ANO8: variants seen among roughly 807,000 people sequenced by gnomAD.
ANO8 encodes anoctamin-8.
A neutral mutation model predicts 120.4 loss-of-function variants in ANO8; 67 were observed. The observed-to-expected ratio is 0.56, with a 90% CI of 0.46 to 0.68. The LOEUF (loss-of-function observed/expected upper bound fraction) is 0.68. ANO8 is among the 30% of genes least tolerant of loss of function. ANO8 has a pLI of 0.00. For missense variants in ANO8, 1,526 were observed against 1,737.6 expected, an observed-to-expected ratio of 0.88 and a Z score of 2.16; for synonymous variants, 727 against 759.2, an observed-to-expected ratio of 0.96 and a Z score of 0.70.
intron 17 of ANO8, among the ~76,000 whole-genome samples, chr19:17,324,146 C>T (rs1178586883): frequency 6.6e-6 from 1 of 151,624 alleles, no homozygotes; most frequent in African/African-American, 2.4e-5. Flanking sequence ...GCTGCAGCTG[C>T]CACCTGTTGG....
intron 12 of ANO8, chr19:17,329,273 C>A (rs2074299331): frequency 5.0e-6 from 2 of 401,418 alleles, no homozygotes; most frequent in East Asian, 8.4e-5. Flanking sequence ...CGCCCCCAGC[C>A]GCCTGCACCT....
rs3745191 is a variant in ANO8, at chr19:17,328,225, C to T, written c.2163G>A (p.Pro721=). The T allele has an allele frequency of 0.077, 122,893 of 1,599,678 alleles. 5,416 individuals are homozygous for T. Among genetic ancestry groups the T allele is most frequent in the African/African-American group, 0.15 (11,069 of 74,694 alleles). Residue 721 remains proline, a synonymous_variant, in exon 13 of 18, where the codon CCG becomes CCA. Transcript: ENST00000159087. ...TGAGCTGGGGCGAGTGTTCCTCCTC[C>T]GGCGGGTCAATCCAAGACGACCGGT... is the stretch of plus-strand genomic sequence containing the variant. ...RQNRSSWIDP[P]EEEHSPQLTQ...
chr19:17,326,550 A>C (rs1482588251), intron 16 of ANO8, among the ~76,000 whole-genome samples: 1 of 152,208 alleles, frequency 6.6e-6, no homozygotes, highest in East Asian at 1.9e-4. Flanking sequence ...CTATGGCTGC[A>C]GCAGACTATA....
At position 17,328,264 on chromosome 19, in the gene ANO8, C is replaced by T. The variant is rs1266919093; in HGVS notation, c.2124G>A (p.Arg708=). ...AAGACGACCGGTTCTGCCGTCTCTG[C>T]CTACGGGTCGAATCGCTGTTGGAGC... The part of the protein sequence containing the change: ...EPGSNSDSTR[R]QRRQNRSSWI... Residue 708 remains arginine (R), a synonymous_variant, in exon 13 of 18, where the codon AGG becomes AGA. Coordinates refer to ENST00000159087, the MANE Select transcript of ANO8 (RefSeq NM_020959.3). 1.9e-6 allele frequency: 3 copies of T among 1,611,152 alleles called. No homozygotes were observed. The highest frequency in any genetic ancestry group is 1.7e-6 in the Non-Finnish European group (2 of 1,179,034).
In ANO8 at chr19:17,327,088, C is replaced by T. The variant is rs73016403; in HGVS notation, c.2661+147G>A. ...GCGCTGGGATCATAGGAGTGAGCCACTGCACCCAGCCAGGGAGCACTAATT... is the reference window on the plus strand; with the variant it reads ...GCGCTGGGATCATAGGAGTGAGCCATTGCACCCAGCCAGGGAGCACTAATT... On this transcript the variant is annotated intron_variant, in intron 16 of 17. Coordinates refer to ENST00000159087, the MANE Select transcript of ANO8 (RefSeq NM_020959.3). The T allele has an allele frequency of 1.1e-3, 825 of 763,936 alleles. 1 individual carries two copies. The highest frequency in any genetic ancestry group is 1.4e-3 in the Non-Finnish European group (694 of 487,556). The allele number at this position is 763,936 out of a possible 1,614,324, so 47.3% of individuals were successfully genotyped here. A position where few individuals can be genotyped will look rare whatever the true frequency, so the allele number is the denominator to read the frequency against.
Position 17,328,615 on chromosome 19 carries a change from CTCCTCCTCCTCGTCGTCCTCG to C in ANO8, c.1752_1772del (p.Asp584_Glu590del), listed in dbSNP as rs1211985583. ...CCTCGTCCTCCTCTTCCTCCTCGTC[CTCCTCCTCCTCGTCGTCCTCG>C]TCCTCCTCCTTGCCCCCTGGAGGCC... is the stretch of plus-strand genomic sequence containing the variant. On this transcript the variant is annotated inframe_deletion, in exon 13 of 18. Transcript: ENST00000159087. 1 of 1,532,214 alleles carries C rather than the reference CTCCTCCTCCTCGTCGTCCTCG, an allele frequency of 6.5e-7. No individual in the cohort carries two copies. The highest frequency in any genetic ancestry group is 2.0e-5 in the Admixed American group (1 of 50,094). 94.9% of individuals were successfully genotyped at this position (1,532,214 alleles called of 1,614,324 possible).
At chr19:17,334,469 C>A (rs1312353070) in intron 1 of ANO8, 96 bp downstream of exon 1, 6 of 1,134,360 alleles carry the variant, frequency 5.3e-6, no homozygotes, top group Admixed American at 2.3e-5. Flanking sequence ...AGACACCACG[C>A]CAGGTTACGT....
At position 17,333,810 on chromosome 19, in the gene ANO8, G is replaced by C. The variant is rs1199520409; in HGVS notation, c.107-10C>G. On this transcript the variant is annotated splice_polypyrimidine_tract_variant and intron_variant, in intron 1 of 17. Coordinates refer to ENST00000159087, the MANE Select transcript of ANO8 (RefSeq NM_020959.3). The surrounding 1 kb of genome is among the most constrained non-coding windows in gnomAD (Gnocchi z 7.2). ...TTTCCGAAAAGCTTATCTAGGGGGC[G>C]GCGTAGCAGGCCCGGGTCAGGCCAC... 1 of 1,571,578 alleles carries C rather than the reference G, an allele frequency of 6.4e-7. No individual in the cohort carries two copies. The highest frequency in any genetic ancestry group is 8.6e-7 in the Non-Finnish European group (1 of 1,159,496).
rs748451040 is a variant in ANO8 at position 17,331,076 on chromosome 19, C to T, written c.831+12G>A. The T allele has an allele frequency of 1.2e-6, 2 of 1,614,136 alleles. No homozygotes were observed. Among genetic ancestry groups the T allele is most frequent in the South Asian group, 2.2e-5 (2 of 91,086 alleles). The stretch of plus-strand genomic sequence containing the variant: ...TGGATCCCCCAGACCTTGCAGGGTC[C>T]CTGCCCAGTACCTGATCAGCCTCTG... On this transcript the variant is annotated intron_variant, in intron 7 of 17. Coordinates refer to ENST00000159087, the MANE Select transcript of ANO8 (RefSeq NM_020959.3).
rs915899636 is a variant in ANO8, at chr19:17,334,724, C to G, written c.-54G>C. ...GGACGGCCCGGGCGACGGGGAGCCG[C>G]GGGCTCATGGGGCCGGTGCAGCCGC... On this transcript the variant is annotated 5_prime_UTR_variant, in exon 1 of 18. Transcript: ENST00000159087. The G allele has an allele frequency of 3.8e-6, 5 of 1,313,552 alleles. No individual in the cohort carries two copies. Among genetic ancestry groups the G allele is most frequent in the Non-Finnish European group, 4.9e-6 (5 of 1,022,812 alleles). 81.4% of individuals were successfully genotyped at this position (1,313,552 alleles called of 1,614,324 possible).
In ANO8 at chr19:17,333,620, C is replaced by G. The variant is rs2074337140; in HGVS notation, c.218-66G>C. ...GGGCCCAAGGCCTCCTACGTATTCCCGTTCTGGGAAGCCGAGCTCAGGAGA... is the reference window on the plus strand; with the variant it reads ...GGGCCCAAGGCCTCCTACGTATTCCGGTTCTGGGAAGCCGAGCTCAGGAGA... On this transcript the variant is annotated intron_variant, in intron 2 of 17. Transcript: ENST00000159087. This position sits in a 1 kb window ranked among gnomAD's most constrained non-coding sequence, Gnocchi z 7.2. 12 of 1,361,222 alleles carry G rather than the reference C, an allele frequency of 8.8e-6. No homozygotes were observed. The South Asian group carries it at 9.1e-5, about 10-fold the overall frequency. 84.3% of individuals were successfully genotyped at this position (1,361,222 alleles called of 1,614,324 possible). A position where few individuals can be genotyped will look rare whatever the true frequency, so the allele number is the denominator to read the frequency against.
rs2074268428 is a variant in ANO8 at position 17,325,447 on chromosome 19, G to A, written c.2662-61C>T. ...GAAAGGGTGTTAGCGGGTGCCAGCT[G>A]AGGCTGGTGCATGCCAGGGCTCTCT... is the stretch of plus-strand genomic sequence containing the variant. On this transcript the variant is annotated intron_variant, in intron 16 of 17. Transcript: ENST00000159087. 6.0e-6 allele frequency: 9 copies of A among 1,512,564 alleles called. No homozygotes were observed. In the South Asian group the frequency reaches 9.1e-5, roughly 15 times the overall value. The allele number at this position is 1,512,564 out of a possible 1,614,324, so 93.7% of individuals were successfully genotyped here. A position where few individuals can be genotyped will look rare whatever the true frequency, so the allele number is the denominator to read the frequency against.
rs1417911097 is a variant in ANO8 at position 17,329,469 on chromosome 19, G to A, written c.1404+288C>T. On this transcript the variant is annotated intron_variant, in intron 12 of 17. Transcript: ENST00000159087. ...GAGAGGAGGAGCAGGCGGAACCGCA[G>A]GGCCGCGAGCGGGACCAGCACCGCC... 8 of 490,204 alleles carry A rather than the reference G, an allele frequency of 1.6e-5. 1 individual carries two copies. The highest frequency in any genetic ancestry group is 2.9e-5 in the Non-Finnish European group (8 of 271,756). The allele number at this position is 490,204 out of a possible 1,614,324, so 30.4% of individuals were successfully genotyped here.
intron 8 of ANO8, 59 bp downstream of exon 8, chr19:17,330,769 G>A: frequency 6.4e-7 from 1 of 1,557,354 alleles, no homozygotes; most frequent in Non-Finnish European, 8.7e-7. Flanking sequence ...CTCCTGCAGT[G>A]CCCCCCACCA....
In ANO8 at chr19:17,327,258, A is replaced by T. The variant is rs2074278640; in HGVS notation, c.2638T>A (p.Tyr880Asn). The T allele has an allele frequency of 6.5e-7, 1 of 1,547,552 alleles. No individual in the cohort carries two copies. Among genetic ancestry groups the T allele is most frequent in the African/African-American group, 1.4e-5 (1 of 72,920 alleles). Residue 880 changes from tyrosine (Y) to asparagine (N), a missense_variant, in exon 16 of 18, where the codon TAC (tyrosine) becomes AAC (asparagine). Transcript: ENST00000159087. ...WVAEEMAKLEYQRREAFKRHE... is the reference protein window; with the variant it reads ...WVAEEMAKLENQRREAFKRHE... ...ACCTTAAAGGCCTCGCGGCGCTGGT[A>T]CTCCAGCTTGGCCATTTCCTCGGCC...
In ANO8 at chr19:17,328,663, GT is replaced by G; in HGVS notation, c.1724del (p.Asp575AlafsTer40). The G allele has an allele frequency of 7.2e-7, 1 of 1,383,224 alleles. No individual in the cohort carries two copies. The highest frequency in any genetic ancestry group is 9.6e-7 in the Non-Finnish European group (1 of 1,043,742). The allele number at this position is 1,383,224 out of a possible 1,614,324, so 85.7% of individuals were successfully genotyped here. A position where few individuals can be genotyped will look rare whatever the true frequency, so the allele number is the denominator to read the frequency against. ...RRAGEGGEEG[D>X]GPPGGKEEDE... is the part of the protein sequence containing the mutation. ...CCTCCTCCTTGCCCCCTGGAGGCCC[GT>G]CCCCCTCCTCCCCGCCTTCCCCCGC... On this transcript the variant is annotated frameshift_variant, in exon 13 of 18. Coordinates refer to ENST00000159087, the MANE Select transcript of ANO8 (RefSeq NM_020959.3). LOFTEE classifies it high-confidence loss of function.
Position 17,328,219 on chromosome 19 carries a change from C to T in ANO8, c.2169G>A (p.Glu723=). The stretch of plus-strand genomic sequence containing the variant: ...CCTGGGTGAGCTGGGGCGAGTGTTC[C>T]TCCTCCGGCGGGTCAATCCAAGACG... The part of the protein sequence containing the change: ...NRSSWIDPPE[E]EHSPQLTQAE... Residue 723 remains glutamate (E), a synonymous_variant, in exon 13 of 18, where the codon GAG becomes GAA. Coordinates refer to ENST00000159087, the MANE Select transcript of ANO8 (RefSeq NM_020959.3). The T allele has an allele frequency of 1.2e-6, 2 of 1,605,384 alleles. No individual in the cohort carries two copies. The highest frequency in any genetic ancestry group is 1.7e-6 in the Non-Finnish European group (2 of 1,173,744).
chr19:17,334,643 C>T lies in ANO8; in HGVS notation c.28G>A (p.Gly10Ser). 6.7e-7 allele frequency: 1 copy of T among 1,487,020 alleles called. No individual in the cohort carries two copies. Among genetic ancestry groups the T allele is most frequent in the Non-Finnish European group, 8.9e-7 (1 of 1,126,970 alleles). The allele number at this position is 1,487,020 out of a possible 1,614,324, so 92.1% of individuals were successfully genotyped here. A position where few individuals can be genotyped will look rare whatever the true frequency, so the allele number is the denominator to read the frequency against. Residue 10 changes from glycine (G) to serine (S), a missense_variant, in exon 1 of 18, where the codon GGC becomes AGC. Physicochemically the swap from Gly to Ser is moderately conservative, Grantham distance 56. Coordinates refer to ENST00000159087, the MANE Select transcript of ANO8 (RefSeq NM_020959.3). MAEAASGAGGTSLEGERGKR... is the reference protein window; with the variant it reads MAEAASGAGSTSLEGERGKR... ...CCACGCTCGCCCTCCAGGGACGTGC[C>T]CCCGGCGCCGGAGGCGGCCTCGGCC...
At chr19:17,334,535 C>T in intron 1 of ANO8, 30 bp downstream of exon 1, 1 of 1,516,214 alleles carries the variant, frequency 6.6e-7, no homozygotes, top group East Asian at 2.7e-5. Flanking sequence ...GCACCTGCAA[C>T]CCTGTCTGGT....
Sources: gnomAD v4.1 joint callset for allele counts (sites outside exome capture counted in the v4.1 genomes callset) on GRCh38, gnomAD v4.1.1 for gene constraint, Gnocchi (gnomAD v3.1) non-coding constraint, MANE v1.5 for transcripts, NCBI Gene and HGNC (gene_info 2026-07-23, HGNC 2026-07-21) for gene names.